The following SGCZ variants were observed in gnomAD, a reference collection of about 807,000 sequenced individuals.
SGCZ encodes the protein zeta-sarcoglycan.
Under a neutral mutation model 41.3 loss-of-function variants are expected in SGCZ, and 40 were observed. That is an observed-to-expected ratio of 0.97 (90% CI 0.75 to 1.26). SGCZ has a LOEUF of 1.26. SGCZ is among the 50% of genes most tolerant of loss of function. The pLI, the probability that SGCZ is intolerant of heterozygous loss-of-function variation, is 0.00. For missense variants in SGCZ, 552 were observed against 369.8 expected, an observed-to-expected ratio of 1.49 and a Z score of -4.04; for synonymous variants, 206 against 137.5, an observed-to-expected ratio of 1.50 and a Z score of -3.49.
intron 1 of SGCZ, among the ~76,000 whole-genome samples, chr8:14,711,394 A>C (rs978929587): frequency 6.7e-6 from 1 of 148,986 alleles, no homozygotes; most frequent in African/African-American, 2.5e-5. Context: ...GTTCGAGACC[A>C]GCCTGGCCAA....
chr8:15,216,073 T>A (rs1002403237), intron 1 of SGCZ, among the ~76,000 whole-genome samples: 22 of 152,100 alleles, frequency 1.4e-4, no homozygotes, highest in African/African-American at 5.1e-4. Flanking sequence ...ACATCTCAAG[T>A]GTGGCCCCAT....
Position 14,389,779 on chromosome 8 carries a change from T to A in SGCZ, c.235-65575A>T, listed in dbSNP as rs191491978. ...AAAACTGAGCAAGTATTTTTCAATTTAAAAAAAATAACTATGACTAATATT... is the reference window on the plus strand; with the variant it reads ...AAAACTGAGCAAGTATTTTTCAATTAAAAAAAAATAACTATGACTAATATT... On this transcript the variant is annotated intron_variant, in intron 2 of 7. Coordinates refer to ENST00000382080, the MANE Select transcript of SGCZ (RefSeq NM_139167.4). Among the ~76,000 whole-genome samples, 1,099 of 151,842 alleles carry A rather than the reference T, an allele frequency of 7.2e-3. 10 individuals are homozygous for A. Among genetic ancestry groups the A allele is most frequent in the South Asian group, 0.019 (91 of 4,810 alleles).
chr8:14,780,920 G>A (rs1800569362), intron 1 of SGCZ, among the ~76,000 whole-genome samples: 1 of 152,128 alleles, frequency 6.6e-6, no homozygotes, highest in Admixed American at 6.5e-5. Context: ...TAAAGAAAAT[G>A]AGTAAGCAAA....
chr8:14,217,939 A>AT lies in SGCZ; in HGVS notation c.424+19652dup, dbSNP rs543239743. Among the ~76,000 whole-genome samples the AT allele has an allele frequency of 4.1e-3, 624 of 152,150 alleles. 4 individuals are homozygous for AT. Among genetic ancestry groups the AT allele is most frequent in the African/African-American group, 0.014 (593 of 41,500 alleles). ...AGCCACCACGCCCGGCCAACTAAAG[A>AT]TTTTTTTAAAGTGCAAAATAGGAAA... On this transcript the variant is annotated intron_variant, in intron 4 of 7. Transcript: ENST00000382080.
intron 1 of SGCZ, among the ~76,000 whole-genome samples, chr8:14,851,359 A>T (rs1174438597): frequency 8.9e-6 from 1 of 112,230 alleles, no homozygotes; most frequent in Non-Finnish European, 1.7e-5. Flanking sequence ...ACAGAGCGAG[A>T]CTCCATCTCA....
intron 1 of SGCZ, among the ~76,000 whole-genome samples, chr8:14,595,024 C>A (rs1338354154): frequency 6.6e-6 from 1 of 150,744 alleles, no homozygotes; most frequent in Non-Finnish European, 1.5e-5. Flanking sequence ...TAGTAAAATA[C>A]TTCGTCTAAT....
At chr8:14,594,226 A>G (rs943134865) in intron 1 of SGCZ, among the ~76,000 whole-genome samples, 1 of 143,576 alleles carries the variant, frequency 7.0e-6, no homozygotes. Context: ...ATAAATAAAT[A>G]AAATAAAACA....
chr8:15,163,023 C>T (rs1007853423), intron 1 of SGCZ, among the ~76,000 whole-genome samples: 1 of 152,146 alleles, frequency 6.6e-6, no homozygotes, highest in Admixed American at 6.5e-5. Context: ...GAAATCATTT[C>T]GTGCTCAGTT....
At chr8:14,532,848 C>T (rs543099752) in intron 2 of SGCZ, among the ~76,000 whole-genome samples, 183 of 151,830 alleles carry the variant, frequency 1.2e-3, no homozygotes, top group African/African-American at 4.1e-3. Context: ...TGATAGAACT[C>T]TCTTTCATTC....
chr8:14,704,390 T>C (rs1809263019), intron 1 of SGCZ, among the ~76,000 whole-genome samples: 1 of 152,014 alleles, frequency 6.6e-6, no homozygotes, highest in South Asian at 2.1e-4. Flanking sequence ...TTAATAATGC[T>C]CTTTTAAAGT....
chr8:15,156,944 C>CAAAAAAAAAAAA (rs1204736250), intron 1 of SGCZ, among the ~76,000 whole-genome samples: 1 of 89,902 alleles, frequency 1.1e-5, no homozygotes, highest in Non-Finnish European at 2.2e-5. Flanking sequence ...AACTCTGTCT[C>CAAAAAAAAAAAA]AAAAAAAAAA....
chr8:14,544,601 G>C (rs1803568584), intron 2 of SGCZ, among the ~76,000 whole-genome samples: 1 of 152,036 alleles, frequency 6.6e-6, no homozygotes, highest in Admixed American at 6.6e-5. Flanking sequence ...GGGAATGTCT[G>C]TCTTGTGCAG....
At chr8:14,472,339 T>C (rs1319636944) in intron 2 of SGCZ, among the ~76,000 whole-genome samples, 1 of 152,122 alleles carries the variant, frequency 6.6e-6, no homozygotes, top group Admixed American at 6.6e-5. Flanking sequence ...TTAACTAGAT[T>C]GAAAGCCAGA....
chr8:14,197,947 C>T (rs980574822), intron 4 of SGCZ, among the ~76,000 whole-genome samples: 1 of 152,084 alleles, frequency 6.6e-6, no homozygotes, highest in Non-Finnish European at 1.5e-5. Context: ...GTTATTTTAG[C>T]AAGTTTGCAG....
At chr8:14,982,484 C>G (rs1333723390) in intron 1 of SGCZ, among the ~76,000 whole-genome samples, 1 of 152,186 alleles carries the variant, frequency 6.6e-6, no homozygotes, top group African/African-American at 2.4e-5. Context: ...TTGGAGTCAA[C>G]TCTACTACAT....
At chr8:14,402,998 C>T (rs1279092392) in intron 2 of SGCZ, among the ~76,000 whole-genome samples, 1 of 149,686 alleles carries the variant, frequency 6.7e-6, no homozygotes, top group Non-Finnish European at 1.5e-5. Context: ...TTGAAGAGGT[C>T]CTTCACATCC....
At chr8:15,021,142 C>T (rs1803233869) in intron 1 of SGCZ, among the ~76,000 whole-genome samples, 1 of 152,130 alleles carries the variant, frequency 6.6e-6, no homozygotes, top group South Asian at 2.1e-4. Flanking sequence ...TTATCCATAT[C>T]AAAAATGGTA....
intron 1 of SGCZ, among the ~76,000 whole-genome samples, chr8:15,003,533 C>T (rs928268167): frequency 1.3e-5 from 2 of 152,088 alleles, no homozygotes; most frequent in Non-Finnish European, 2.9e-5. Context: ...ATAAGTTAGT[C>T]AAACCATACA....
chr8:14,836,875 T>C (rs1802718438), intron 1 of SGCZ, among the ~76,000 whole-genome samples: 1 of 152,206 alleles, frequency 6.6e-6, no homozygotes. Flanking sequence ...GCTACTACTT[T>C]CATGGAAAAC....
Sources: allele counts gnomAD v4.1 joint callset (sites outside exome capture counted in the v4.1 genomes callset), GRCh38; gene constraint gnomAD v4.1.1; transcripts MANE v1.5; gene names NCBI Gene and HGNC (gene_info 2026-07-23, HGNC 2026-07-21).